SLC23A1: variants seen among roughly 807,000 people sequenced by gnomAD.
The protein encoded by SLC23A1 is Na(+)/L-ascorbic acid transporter 1.
SLC23A1 carries 31 observed loss-of-function variants against 62.5 expected under a neutral mutation model. The ratio of observed to expected loss-of-function variants is 0.50; its 90% confidence interval spans 0.37 to 0.67. The LOEUF is 0.67. Among genes scored for constraint, SLC23A1 ranks in the 30% least tolerant of loss-of-function variants. SLC23A1 has a pLI of 0.00. For missense variants in SLC23A1, 640 were observed against 782.7 expected (o/e 0.82, Z 2.18); for synonymous variants, 271 against 313.2 (o/e 0.87, Z 1.42).
At position 139,367,526 on chromosome 5, in the gene SLC23A1, C is replaced by G. The variant is rs916151931; in HGVS notation, c.*125G>C. 1.3e-5 allele frequency: 2 copies of G among 151,408 alleles called. No individual in the cohort carries two copies. Among genetic ancestry groups the G allele is most frequent in the African/African-American group, 4.9e-5 (2 of 41,174 alleles). The allele number at this position is 151,408 out of a possible 1,614,324, so 9.4% of individuals were successfully genotyped here. ...AAATTTGAATCCCAGAGAAAGGTGA[C>G]TTATCTGAGTTTACACAGAAGTTAG... On this transcript the variant is annotated 3_prime_UTR_variant, in exon 15 of 15. Coordinates refer to ENST00000348729, the MANE Select transcript of SLC23A1 (RefSeq NM_005847.5).
In SLC23A1 at chr5:139,379,131, C is replaced by T; in HGVS notation, c.1073+76G>A. 2 of 1,501,256 alleles carry T rather than the reference C, an allele frequency of 1.3e-6. No homozygotes were observed. Among genetic ancestry groups the T allele is most frequent in the East Asian group, 2.3e-5 (1 of 44,136 alleles). 93.0% of individuals were successfully genotyped at this position (1,501,256 alleles called of 1,614,324 possible). ...GACTTGCCTAAGCCTACCCCCTGGGCCTCCACCCCGTTCCTGTGTGTGCTT... is the reference window on the plus strand; with the variant it reads ...GACTTGCCTAAGCCTACCCCCTGGGTCTCCACCCCGTTCCTGTGTGTGCTT... On this transcript the variant is annotated intron_variant, in intron 9 of 14. Coordinates refer to ENST00000348729, the MANE Select transcript of SLC23A1 (RefSeq NM_005847.5). This position sits in a 1 kb window ranked among gnomAD's most constrained non-coding sequence, Gnocchi z 4.7.
At chr5:139,382,453 G>T in intron 2 of SLC23A1, 39 bp downstream of exon 2, 1 of 1,180,140 alleles carries the variant, frequency 8.5e-7, no homozygotes, top group Non-Finnish European at 1.3e-6. Context: ...TCCCCGGGGA[G>T]TGTGCAGAGT....
At position 139,377,354 on chromosome 5, in the gene SLC23A1, C is replaced by T. The variant is rs536222626; in HGVS notation, c.1549+48G>A. On this transcript the variant is annotated intron_variant, in intron 13 of 14. Transcript: ENST00000348729. ...AGCTCAGAGGCCATCTGTTGGAGTG[C>T]ATGAGTCCAGCCTAGTTCTTCATTC... is the stretch of plus-strand genomic sequence containing the variant. 8 of 1,001,418 alleles carry T rather than the reference C, an allele frequency of 8.0e-6. 1 individual carries two copies. The highest frequency in any genetic ancestry group is 4.4e-4 in the Middle Eastern group (2 of 4,592). The allele number at this position is 1,001,418 out of a possible 1,614,324, so 62.0% of individuals were successfully genotyped here.
chr5:139,373,427 G>T (rs996287375), intron 13 of SLC23A1, among the ~76,000 whole-genome samples: 3 of 152,086 alleles, frequency 2.0e-5, no homozygotes, highest in Non-Finnish European at 4.4e-5. Flanking sequence ...TGATCAGCCC[G>T]CCTTGGCCTT....
rs1012902226 is a variant in SLC23A1 at position 139,378,751 on chromosome 5, T to C, written c.1074-67A>G. On this transcript the variant is annotated intron_variant, in intron 9 of 14. Transcript: ENST00000348729. This position sits in a 1 kb window ranked among gnomAD's most constrained non-coding sequence, Gnocchi z 4.5. ...ACCAGTCTGTGTTCCCCCATCATCT[T>C]AGCAAGCTGCCGTCCTCTGGGGCTG... The C allele has an allele frequency of 5.7e-6, 7 of 1,230,902 alleles. No homozygotes were observed. Among genetic ancestry groups the C allele is most frequent in the Middle Eastern group, 1.9e-4 (1 of 5,358 alleles). 76.2% of individuals were successfully genotyped at this position (1,230,902 alleles called of 1,614,324 possible). A position where few individuals can be genotyped will look rare whatever the true frequency, so the allele number is the denominator to read the frequency against.
chr5:139,384,750 C>A (rs1038416224), upstream of SLC23A1: 36 of 985,284 alleles, frequency 3.7e-5, no homozygotes, highest in African/African-American at 5.4e-4. Context: ...GGGGCCCACA[C>A]ACCCAGAGCT....
chr5:139,380,330 C>A lies in SLC23A1; in HGVS notation c.525G>T (p.Leu175=). 6.2e-7 allele frequency: 1 copy of A among 1,610,666 alleles called. No individual in the cohort carries two copies. The highest frequency in any genetic ancestry group is 8.5e-7 in the Non-Finnish European group (1 of 1,178,578). The change falls in exon 6 of 15, where the codon CTG becomes CTT. Residue 175 remains leucine, a synonymous_variant. Coordinates refer to ENST00000348729, the MANE Select transcript of SLC23A1 (RefSeq NM_005847.5). ...VVEVVIGLLG[L]PGALLNYIGP... ...CAATGTAGTTGAGCAGGGCCCCAGGCAGCCCCAGCAGGCCAATCACCACCT... is the reference window on the plus strand; with the variant it reads ...CAATGTAGTTGAGCAGGGCCCCAGGAAGCCCCAGCAGGCCAATCACCACCT...
In SLC23A1 at chr5:139,379,735, T is replaced by G. The variant is rs1383227757; in HGVS notation, c.868A>C (p.Thr290Pro). 6.2e-7 allele frequency: 1 copy of G among 1,613,868 alleles called. No homozygotes were observed. Among genetic ancestry groups the G allele is most frequent in the Non-Finnish European group, 8.5e-7 (1 of 1,179,952 alleles). ...DPKAYGFQAR[T>P]DARGDIMAIA... is the part of the protein sequence containing the mutation. ...GCCATGATGTCACCACGGGCATCGG[T>G]TCGTGCCTGGAAGCCATAGGCTTTT... Residue 290 changes from threonine to proline, a missense_variant, in exon 8 of 15, where the codon ACC becomes CCC. Transcript: ENST00000348729. The surrounding 1 kb of genome is among the most constrained non-coding windows in gnomAD (Gnocchi z 4.7).
At position 139,379,576 on chromosome 5, in the gene SLC23A1, C is replaced by CG; in HGVS notation, c.925+101dup. 1 of 1,201,396 alleles carries CG rather than the reference C, an allele frequency of 8.3e-7. No homozygotes were observed. The highest frequency in any genetic ancestry group is 1.2e-6 in the Non-Finnish European group (1 of 826,398). The allele number at this position is 1,201,396 out of a possible 1,614,324, so 74.4% of individuals were successfully genotyped here. A position where few individuals can be genotyped will look rare whatever the true frequency, so the allele number is the denominator to read the frequency against. On this transcript the variant is annotated intron_variant, in intron 8 of 14. Transcript: ENST00000348729. This position sits in a 1 kb window ranked among gnomAD's most constrained non-coding sequence, Gnocchi z 4.7. ...CTCTGCTGGGCGCACTATAAATGTG[C>CG]GGCTAATGCTAGGTGTGTCACCTGC... is the stretch of plus-strand genomic sequence containing the variant.
chr5:139,378,332 A>G lies in SLC23A1; in HGVS notation c.1199T>C (p.Val400Ala). 1 of 1,570,780 alleles carries G rather than the reference A, an allele frequency of 6.4e-7. No homozygotes were observed. Among genetic ancestry groups the G allele is most frequent in the Middle Eastern group, 2.1e-4 (1 of 4,862 alleles). Residue 400 changes from valine (V) to alanine (A), a missense_variant, in exon 11 of 15, where the codon GTG (valine) becomes GCG (alanine). Val to Ala is a moderately conservative substitution (Grantham distance 64). Transcript: ENST00000348729. This position sits in a 1 kb window ranked among gnomAD's most constrained non-coding sequence, Gnocchi z 4.5. ...CAGCATGATAGCCGCACCATACTGC[A>G]CCACGCGCCGGCTGCCCACCTGCCG... is the stretch of plus-strand genomic sequence containing the variant. ...GITKVGSRRVVQYGAAIMLVL... is the reference protein window; with the variant it reads ...GITKVGSRRVAQYGAAIMLVL...
intron 13 of SLC23A1, among the ~76,000 whole-genome samples, chr5:139,372,678 G>A (rs541996560): frequency 1.4e-4 from 21 of 152,022 alleles, no homozygotes; most frequent in Admixed American, 3.3e-4. Flanking sequence ...TCCTCCTCCC[G>A]GGTTTAAGCG....
At chr5:139,381,027 GC>G in intron 3 of SLC23A1, 141 bp from the exon 4 acceptor site, 1 of 592,442 alleles carries the variant, frequency 1.7e-6, no homozygotes. Context: ...AATCGTTGAG[GC>G]CCCAGGGAAG....
rs1451004692 is a variant in SLC23A1 at position 139,367,269 on chromosome 5, C to T, written c.*382G>A. ...TGTAGGGTCAAATTCAATGTAAAAGCCTTGCAGCATACCTACATTTCAGGC... is the reference window on the plus strand; with the variant it reads ...TGTAGGGTCAAATTCAATGTAAAAGTCTTGCAGCATACCTACATTTCAGGC... On this transcript the variant is annotated 3_prime_UTR_variant, in exon 15 of 15. Coordinates refer to ENST00000348729, the MANE Select transcript of SLC23A1 (RefSeq NM_005847.5). 2.6e-5 allele frequency: 4 copies of T among 152,198 alleles called. No individual in the cohort carries two copies. Among genetic ancestry groups the T allele is most frequent in the Non-Finnish European group, 5.9e-5 (4 of 68,010 alleles). 9.4% of individuals were successfully genotyped at this position (152,198 alleles called of 1,614,324 possible). A position where few individuals can be genotyped will look rare whatever the true frequency, so the allele number is the denominator to read the frequency against.
intron 13 of SLC23A1, 82 bp downstream of exon 13, chr5:139,377,320 C>T: frequency 1.2e-6 from 1 of 806,866 alleles, no homozygotes. Flanking sequence ...GACCTAACCA[C>T]ACAGCTCCAG....
In SLC23A1 at chr5:139,380,846, G is replaced by C. The variant is rs1758217226; in HGVS notation, c.349C>G (p.Pro117Ala). Residue 117 changes from proline (P) to alanine (A), a missense_variant, in exon 4 of 15, where the codon CCA becomes GCA. By Grantham distance (27) the Pro-to-Ala change is conservative. Coordinates refer to ENST00000348729, the MANE Select transcript of SLC23A1 (RefSeq NM_005847.5). ...FQASAFAFLV[P>A]AKAILALERW... ...TCCAGAGCCAGTATGGCTTTGGCTG[G>C]AACCAGAAATGCAAAGGCACTGGCC... 1 of 1,365,210 alleles carries C rather than the reference G, an allele frequency of 7.3e-7. No individual in the cohort carries two copies. The highest frequency in any genetic ancestry group is 1.6e-5 in the African/African-American group (1 of 62,740). The allele number at this position is 1,365,210 out of a possible 1,614,324, so 84.6% of individuals were successfully genotyped here. A position where few individuals can be genotyped will look rare whatever the true frequency, so the allele number is the denominator to read the frequency against.
rs527484880 is a variant in SLC23A1 at position 139,376,590 on chromosome 5, G to A, written c.1549+812C>T. On this transcript the variant is annotated intron_variant, in intron 13 of 14. Transcript: ENST00000348729. ...TTAACTGTTTGTTATCAGAGCACCT[G>A]GTGACATTTATTTTATATATTTACT... Among the ~76,000 whole-genome samples the A allele has an allele frequency of 1.6e-4, 25 of 152,292 alleles. No homozygotes were observed. In the South Asian group the frequency reaches 5.0e-3, roughly 30 times the overall value.
Position 139,378,171 on chromosome 5 carries a change from G to T in SLC23A1, c.1309+51C>A. On this transcript the variant is annotated intron_variant, in intron 11 of 14. Coordinates refer to ENST00000348729, the MANE Select transcript of SLC23A1 (RefSeq NM_005847.5). The surrounding 1 kb of genome is among the most constrained non-coding windows in gnomAD (Gnocchi z 4.5). The stretch of plus-strand genomic sequence containing the variant: ...CGCCGCACACGCGTAATCCAGGTGA[G>T]TCCCACTCGGCGACCCGCACCGCGA... 1.9e-6 allele frequency: 3 copies of T among 1,613,248 alleles called. No individual in the cohort carries two copies. The highest frequency in any genetic ancestry group is 2.5e-6 in the Non-Finnish European group (3 of 1,179,616).
upstream of SLC23A1, chr5:139,384,858 C>G (rs1344405846): frequency 1.8e-6 from 1 of 544,298 alleles, no homozygotes; most frequent in African/African-American, 2.1e-5. Context: ...TTCTTGGGCC[C>G]TGACTTTCCT....
chr5:139,381,504 G>A (rs1758253614), intron 3 of SLC23A1, among the ~76,000 whole-genome samples: 1 of 150,516 alleles, frequency 6.6e-6, no homozygotes, highest in Non-Finnish European at 1.5e-5. Flanking sequence ...TAAGGTGGGA[G>A]AATCGCTTGA....
Sources: gnomAD v4.1 joint callset for allele counts (sites outside exome capture counted in the v4.1 genomes callset) on GRCh38, gnomAD v4.1.1 for gene constraint, Gnocchi (gnomAD v3.1) non-coding constraint, MANE v1.5 for transcripts, NCBI Gene and HGNC (gene_info 2026-07-23, HGNC 2026-07-21) for gene names.